The following AMZ1 variants were observed in gnomAD, a reference collection of about 807,000 sequenced individuals.
AMZ1 encodes archaelysin family metallopeptidase 1, also known as archaemetzincin-1.
Under a neutral mutation model 29.9 loss-of-function variants are expected in AMZ1, and 39 were observed. The ratio of observed to expected loss-of-function variants is 1.30; its 90% CI spans 1.01 to 1.70. AMZ1 has a LOEUF of 1.70. AMZ1 is among the 40% of genes most tolerant of loss of function. The pLI, the probability that AMZ1 is intolerant of heterozygous loss-of-function variation, is 0.00. For synonymous variants in AMZ1, 458 were observed against 304.0 expected (o/e 1.51, Z -5.27); for missense variants, 1,041 against 680.6 (o/e 1.53, Z -5.89).
At chr7:2,709,513 C>T in intron 5 of AMZ1, 127 bp from the exon 6 acceptor site, 1 of 1,403,892 alleles carries the variant, frequency 7.1e-7, no homozygotes, top group Middle Eastern at 2.6e-4. Context: ...GGGGAGGGCG[C>T]CTGGACCACC....
intron 1 of AMZ1, among the ~76,000 whole-genome samples, chr7:2,690,089 C>G (rs1277332048): frequency 1.3e-5 from 2 of 152,160 alleles, no homozygotes; most frequent in Admixed American, 1.3e-4. Flanking sequence ...GCCCTGGATG[C>G]CCGAGAGCTG....
chr7:2,702,782 C>A lies in AMZ1; in HGVS notation c.365C>A (p.Ala122Asp), dbSNP rs750964688. Reference protein sequence around the residue: ...LLHQLCSCTEAFFLGLRVKCL... With the variant: ...LLHQLCSCTEDFFLGLRVKCL... ...CACCAGCTGTGCAGCTGCACAGAGG[C>A]CTTCTTCCTGGGCCTGCGCGTCAAG... The change falls in exon 3 of 7, where the codon GCC becomes GAC. Residue 122 changes from alanine (A) to aspartate (D), a missense_variant. Coordinates refer to ENST00000683327, the MANE Select transcript of AMZ1 (RefSeq NM_001384743.1). The A allele has an allele frequency of 3.2e-6, 5 of 1,544,614 alleles. No individual in the cohort carries two copies. Among genetic ancestry groups the A allele is most frequent in the Non-Finnish European group, 3.5e-6 (4 of 1,147,770 alleles).
intron 4 of AMZ1, among the ~76,000 whole-genome samples, chr7:2,735,425 C>G (rs1790118741): frequency 6.6e-6 from 1 of 151,700 alleles, no homozygotes; most frequent in Admixed American, 6.6e-5. Context: ...CCAGCCAGTG[C>G]TCTTATCACC....
At chr7:2,735,456 CACACG>C (rs1430923659) in intron 4 of AMZ1, among the ~76,000 whole-genome samples, 1 of 107,164 alleles carries the variant, frequency 9.3e-6, no homozygotes, top group Non-Finnish European at 2.0e-5. Context: ...AAGCCCTGGA[CACACG>C]TGCTCCGCCC....
At chr7:2,739,248 T>G (rs1790374256) in intron 4 of AMZ1, among the ~76,000 whole-genome samples, 1 of 152,240 alleles carries the variant, frequency 6.6e-6, no homozygotes, top group Admixed American at 6.5e-5. Flanking sequence ...CAAAATGTTG[T>G]ACGGCCACCA....
intron 4 of AMZ1, among the ~76,000 whole-genome samples, chr7:2,752,379 G>A (rs798499): frequency 0.4 from 61,475 of 152,014 alleles, 12,669 homozygotes; most frequent in Admixed American, 0.47. Context: ...AACACTGGGT[G>A]TAAGGCAAGG....
At chr7:2,739,467 A>G (rs1162738837) in intron 4 of AMZ1, among the ~76,000 whole-genome samples, 2 of 148,220 alleles carry the variant, frequency 1.3e-5, no homozygotes, top group African/African-American at 5.0e-5. Context: ...GCAACATTCC[A>G]TTTTACGGCC....
At chr7:2,689,676 C>T (rs1223995052) in intron 1 of AMZ1, among the ~76,000 whole-genome samples, 1 of 152,226 alleles carries the variant, frequency 6.6e-6, no homozygotes, top group Non-Finnish European at 1.5e-5. Context: ...GCAGTGGCAC[C>T]TGCGGCTCCG....
intron 4 of AMZ1, among the ~76,000 whole-genome samples, chr7:2,732,707 G>A (rs1054905771): frequency 1.3e-5 from 2 of 152,178 alleles, no homozygotes; most frequent in African/African-American, 4.8e-5. Flanking sequence ...AGGGGACAGA[G>A]AAACATCTTC....
chr7:2,682,682 G>A (rs950285389), intron 1 of AMZ1, among the ~76,000 whole-genome samples: 6 of 152,144 alleles, frequency 3.9e-5, no homozygotes, highest in African/African-American at 1.4e-4. Context: ...ACCCCTGCTT[G>A]GGCCATACAC....
At chr7:2,741,583 G>A (rs1790506979) in intron 4 of AMZ1, among the ~76,000 whole-genome samples, 1 of 152,144 alleles carries the variant, frequency 6.6e-6, no homozygotes, top group Admixed American at 6.5e-5. Flanking sequence ...TAGGACAGAG[G>A]TATGTGTGAA....
Position 2,702,818 on chromosome 7 carries a change from C to G in AMZ1, c.401C>G (p.Ser134Trp). Residue 134 changes from serine (S) to tryptophan (W), a missense_variant, in exon 3 of 7, where the codon TCG becomes TGG. Transcript: ENST00000683327. Reference protein sequence around the residue: ...FLGLRVKCLPSVAAASIRCSS... With the variant: ...FLGLRVKCLPWVAAASIRCSS... ...GGCCTGCGCGTCAAGTGCCTGCCGT[C>G]GGTGGCAGCCGCGTCCATCCGCTGC... 2 of 1,557,380 alleles carry G rather than the reference C, an allele frequency of 1.3e-6. No homozygotes were observed. The highest frequency in any genetic ancestry group is 1.7e-6 in the Non-Finnish European group (2 of 1,155,764).
intron 2 of AMZ1, among the ~76,000 whole-genome samples, chr7:2,701,488 C>T (rs994027891): frequency 1.3e-5 from 2 of 152,158 alleles, no homozygotes; most frequent in African/African-American, 4.8e-5. Context: ...AGCTCTGTGT[C>T]TGGCAGAGTC....
chr7:2,721,038 A>ATCGC (rs1037916795), downstream of AMZ1, among the ~76,000 whole-genome samples: 4 of 152,214 alleles, frequency 2.6e-5, no homozygotes, highest in Admixed American at 2.6e-4. Context: ...GCGGGCTGTC[A>ATCGC]TCGCTGGCTG....
chr7:2,693,862 T>G (rs1485166812), intron 1 of AMZ1, among the ~76,000 whole-genome samples: 1 of 152,216 alleles, frequency 6.6e-6, no homozygotes, highest in Non-Finnish European at 1.5e-5. Context: ...GCCAGCCTTT[T>G]CTTTTTCCAA....
chr7:2,699,996 C>T (rs1787956638), intron 1 of AMZ1, among the ~76,000 whole-genome samples: 1 of 152,170 alleles, frequency 6.6e-6, no homozygotes, highest in South Asian at 2.1e-4. Context: ...GAGACTGTGA[C>T]CGTCCCCTGG....
chr7:2,739,922 C>G (rs1055046035), intron 4 of AMZ1, among the ~76,000 whole-genome samples: 3 of 152,212 alleles, frequency 2.0e-5, no homozygotes. Context: ...ATCCGCCCGC[C>G]TTGGCCTCTG....
At chr7:2,737,448 C>T (rs1583212950) in intron 4 of AMZ1, among the ~76,000 whole-genome samples, 1 of 151,862 alleles carries the variant, frequency 6.6e-6, no homozygotes, top group Non-Finnish European at 1.5e-5. Context: ...ACTACCACAC[C>T]CGGCTAACTT....
chr7:2,742,316 T>C (rs761362964), intron 4 of AMZ1, among the ~76,000 whole-genome samples: 5 of 152,116 alleles, frequency 3.3e-5, no homozygotes, highest in Admixed American at 6.5e-5. Context: ...ACGCCCAGCC[T>C]ACACTGAGAT....
Sources: allele counts gnomAD v4.1 joint callset (sites outside exome capture counted in the v4.1 genomes callset), GRCh38; gene constraint gnomAD v4.1.1; transcripts MANE v1.5; gene names NCBI Gene and HGNC (gene_info 2026-07-23, HGNC 2026-07-21).